The following SMURF1 variants were observed in gnomAD, a reference collection of about 807,000 sequenced individuals.
SMURF1 encodes the protein E3 ubiquitin-protein ligase SMURF1.
Under a neutral mutation model 98.0 loss-of-function variants are expected in SMURF1, and 44 were observed. The ratio of observed to expected loss-of-function variants is 0.45; its 90% CI spans 0.35 to 0.58. The LOEUF is 0.58. Ranked by LOEUF, SMURF1 falls within the 20% of genes least tolerant of loss-of-function variation. The pLI, the probability that SMURF1 is intolerant of heterozygous loss-of-function variation, is 0.00. For synonymous variants in SMURF1, 396 were observed against 374.9 expected (o/e 1.06, Z -0.65); for missense variants, 687 against 938.4 (o/e 0.73, Z 3.50).
At chr7:99,032,921 G>T in intron 17 of SMURF1, 116 bp downstream of exon 17, 2 of 1,189,822 alleles carry the variant, frequency 1.7e-6, no homozygotes, top group Middle Eastern at 2.8e-4. Flanking sequence ...TTCTGATGAT[G>T]ACAAAAATAT....
chr7:99,045,773 C>G lies in SMURF1; in HGVS notation c.1181G>C (p.Arg394Pro). ...CAGCCGTTTTTTCAAGTCTTTCGGT[C>G]GCATCTTCATTATCTGGCGGTAAGA... Reference protein sequence around the residue: ...EESYRQIMKMRPKDLKKRLMV... With the variant: ...EESYRQIMKMPPKDLKKRLMV... The change falls in exon 11 of 18, where the codon CGA becomes CCA. Residue 394 changes from arginine (R) to proline (P), a missense_variant. Coordinates refer to ENST00000361368, the MANE Select transcript of SMURF1 (RefSeq NM_181349.3). The G allele has an allele frequency of 1.2e-6, 2 of 1,614,122 alleles. No individual in the cohort carries two copies. The highest frequency in any genetic ancestry group is 8.5e-7 in the Non-Finnish European group (1 of 1,179,982).
intron 1 of SMURF1, among the ~76,000 whole-genome samples, chr7:99,116,251 A>G (rs1797448854): frequency 6.6e-6 from 1 of 152,154 alleles, no homozygotes; most frequent in Non-Finnish European, 1.5e-5. Flanking sequence ...AAAAATATCA[A>G]CATCCTTGGA....
At chr7:99,074,088 C>T (rs911339400) in intron 1 of SMURF1, among the ~76,000 whole-genome samples, 4 of 152,120 alleles carry the variant, frequency 2.6e-5, no homozygotes, top group African/African-American at 9.7e-5. Flanking sequence ...TCAATGAAAG[C>T]CACAAGACAA....
rs560146199 is a variant in SMURF1, at chr7:99,028,426, G to A, written c.*2158C>T. 3.9e-5 allele frequency: 6 copies of A among 152,370 alleles called. No individual in the cohort carries two copies. The highest frequency in any genetic ancestry group is 1.9e-4 in the East Asian group (1 of 5,166). The allele number at this position is 152,370 out of a possible 1,614,324, so 9.4% of individuals were successfully genotyped here. On this transcript the variant is annotated 3_prime_UTR_variant, in exon 18 of 18. Coordinates refer to ENST00000361368, the MANE Select transcript of SMURF1 (RefSeq NM_181349.3). ...CAGGTAGAAGTGGAAAAGCAGAGAC[G>A]GAGGCCAGGATGGGAACGCGTGTGT...
At chr7:99,096,537 A>G (rs1028837419) in intron 1 of SMURF1, among the ~76,000 whole-genome samples, 3 of 152,242 alleles carry the variant, frequency 2.0e-5, no homozygotes, top group East Asian at 1.9e-4. Context: ...TTAATATTCA[A>G]CTTCAGAGAA....
chr7:99,067,429 C>T (rs1201184543), intron 1 of SMURF1, among the ~76,000 whole-genome samples: 2 of 152,158 alleles, frequency 1.3e-5, no homozygotes, highest in African/African-American at 4.8e-5. Context: ...ATGTTTTCTT[C>T]AGTTCCAACC....
At chr7:99,043,500 CG>C (rs1795461081) in intron 11 of SMURF1, among the ~76,000 whole-genome samples, 1 of 152,122 alleles carries the variant, frequency 6.6e-6, no homozygotes, top group Non-Finnish European at 1.5e-5. Context: ...AAATTCACAA[CG>C]ACCCATCTCC....
intron 5 of SMURF1, among the ~76,000 whole-genome samples, chr7:99,056,895 C>T (rs1052737956): frequency 7.4e-5 from 10 of 135,764 alleles, no homozygotes; most frequent in East Asian, 4.7e-4. Context: ...CCCAAGTACT[C>T]GGGAGGCTGA....
At chr7:99,049,817 C>T in intron 8 of SMURF1, 108 bp from the exon 9 acceptor site, 1 of 1,103,504 alleles carries the variant, frequency 9.1e-7, no homozygotes, top group East Asian at 2.4e-5. Context: ...TGTCTGTGTC[C>T]CAGCTCTGCT....
intron 13 of SMURF1, among the ~76,000 whole-genome samples, chr7:99,039,134 G>A (rs1473707553): frequency 7.0e-5 from 10 of 142,006 alleles, no homozygotes; most frequent in African/African-American, 1.0e-4. Context: ...TGGAGGTTGC[G>A]TTGAGCCGAT....
intron 1 of SMURF1, among the ~76,000 whole-genome samples, chr7:99,100,988 T>C (rs1797065158): frequency 6.6e-6 from 1 of 152,220 alleles, no homozygotes; most frequent in Non-Finnish European, 1.5e-5. Context: ...TTTTCTTAAA[T>C]GGAGGAAAAG....
At chr7:99,083,094 T>C (rs1796604875) in intron 1 of SMURF1, among the ~76,000 whole-genome samples, 1 of 152,180 alleles carries the variant, frequency 6.6e-6, no homozygotes, top group African/African-American at 2.4e-5. Flanking sequence ...AGCTAAGGGA[T>C]ACATGGTTTC....
At chr7:99,038,667 T>G (rs1379405527) in intron 13 of SMURF1, 142 bp from the exon 14 acceptor site, 1 of 882,076 alleles carries the variant, frequency 1.1e-6, no homozygotes, top group African/African-American at 1.7e-5. Context: ...TGCGTGGGGG[T>G]GGCACAGCAA....
chr7:99,097,756 A>G (rs1448509029), intron 1 of SMURF1, among the ~76,000 whole-genome samples: 2 of 152,262 alleles, frequency 1.3e-5, no homozygotes, highest in Non-Finnish European at 2.9e-5. Flanking sequence ...CCCAAACAGG[A>G]TAAATGAAAA....
chr7:99,143,891 G>T lies in SMURF1; in HGVS notation c.-111C>A, dbSNP rs1798211159. ...GTTACGGCTCCGGGCTGGGCGCCGG[G>T]GTCCGAGCCGGGACACAAACTCCGC... On this transcript the variant is annotated 5_prime_UTR_variant, in exon 1 of 18. Transcript: ENST00000361368. The T allele has an allele frequency of 2.0e-6, 2 of 988,780 alleles. No homozygotes were observed. Among genetic ancestry groups the T allele is most frequent in the South Asian group, 2.2e-5 (1 of 46,152 alleles). 61.3% of individuals were successfully genotyped at this position (988,780 alleles called of 1,614,324 possible).
At chr7:99,064,154 G>A (rs1457368469) in intron 1 of SMURF1, among the ~76,000 whole-genome samples, 10 of 152,060 alleles carry the variant, frequency 6.6e-5, no homozygotes, top group Admixed American at 2.6e-4. Context: ...TTAATATGTC[G>A]CTATATTCAG....
chr7:99,089,628 G>C (rs1014360273), intron 1 of SMURF1, among the ~76,000 whole-genome samples: 1 of 151,954 alleles, frequency 6.6e-6, no homozygotes, highest in East Asian at 1.9e-4. Context: ...GCAACAGAGC[G>C]AGACCCTGTC....
At chr7:99,042,929 A>C (rs1248663972) in intron 11 of SMURF1, among the ~76,000 whole-genome samples, 1 of 152,268 alleles carries the variant, frequency 6.6e-6, no homozygotes, top group Non-Finnish European at 1.5e-5. Context: ...TACACAAAAA[A>C]TATCAAACAA....
At chr7:99,063,271 ATAT>A (rs1291726209) in intron 1 of SMURF1, among the ~76,000 whole-genome samples, 3 of 11,574 alleles carry the variant, frequency 2.6e-4, no homozygotes, top group Non-Finnish European at 2.5e-4. Context: ...ATATATATAT[ATAT>A]ATATATATAT....
Sources: allele counts gnomAD v4.1 joint callset (sites outside exome capture counted in the v4.1 genomes callset), GRCh38; gene constraint gnomAD v4.1.1; transcripts MANE v1.5; gene names NCBI Gene and HGNC (gene_info 2026-07-23, HGNC 2026-07-21).